NPAS3: variants seen among roughly 807,000 people sequenced by gnomAD.
NPAS3 encodes the protein neuronal PAS domain protein 3, also known as neuronal PAS domain-containing protein 3.
Under a neutral mutation model 73.1 loss-of-function variants are expected in NPAS3, and 14 were observed. The observed-to-expected ratio is 0.19, with a 90% CI of 0.13 to 0.30. NPAS3 has a LOEUF of 0.30. Among genes scored for constraint, NPAS3 ranks in the 10% least tolerant of loss-of-function variants. NPAS3 has a pLI of 1.00. For missense variants in NPAS3, 1,096 were observed against 1,250.0 expected (o/e 0.88, Z 1.86); for synonymous variants, 620 against 541.5 (o/e 1.14, Z -2.01).
At chr14:33,063,741 C>A (rs1479946869) in intron 2 of NPAS3, among the ~76,000 whole-genome samples, 1 of 152,196 alleles carries the variant, frequency 6.6e-6, no homozygotes, top group Admixed American at 6.5e-5. Flanking sequence ...CCGCATTAGA[C>A]CTCAGGCTAT....
At chr14:33,535,937 A>G (rs1406148016) in intron 4 of NPAS3, among the ~76,000 whole-genome samples, 3 of 152,158 alleles carry the variant, frequency 2.0e-5, no homozygotes, top group Non-Finnish European at 2.9e-5. Context: ...TGAGAGTGCT[A>G]TATATGTTTA....
At chr14:33,604,222 T>C (rs779038983) in intron 5 of NPAS3, among the ~76,000 whole-genome samples, 2 of 151,972 alleles carry the variant, frequency 1.3e-5, no homozygotes, top group Non-Finnish European at 1.5e-5. Flanking sequence ...AAAGCAGAGA[T>C]TGTCAGATTA....
At chr14:33,743,432 C>T (rs2061704390) in intron 7 of NPAS3, among the ~76,000 whole-genome samples, 1 of 152,132 alleles carries the variant, frequency 6.6e-6, no homozygotes, top group East Asian at 1.9e-4. Flanking sequence ...CAACAGTGGG[C>T]TTAAAATATT....
chr14:33,080,253 G>A (rs182979426), intron 2 of NPAS3, among the ~76,000 whole-genome samples: 2,414 of 151,994 alleles, frequency 0.016, 63 homozygotes, highest in African/African-American at 0.054. Flanking sequence ...GACTACAGGC[G>A]CCCGCCACCA....
chr14:33,472,393 G>A (rs2050826007), intron 4 of NPAS3, among the ~76,000 whole-genome samples: 1 of 152,174 alleles, frequency 6.6e-6, no homozygotes, highest in South Asian at 2.1e-4. Flanking sequence ...GAAACCATGT[G>A]GGATGGGTTT....
At chr14:33,763,872 A>G (rs1260338072) in intron 7 of NPAS3, among the ~76,000 whole-genome samples, 1 of 151,132 alleles carries the variant, frequency 6.6e-6, no homozygotes, top group Non-Finnish European at 1.5e-5. Flanking sequence ...AATATATATG[A>G]CCCACGTGTT....
chr14:32,989,214 C>T (rs2139455402), intron 1 of NPAS3, among the ~76,000 whole-genome samples: 1 of 152,204 alleles, frequency 6.6e-6, no homozygotes, highest in East Asian at 1.9e-4. Flanking sequence ...AAGAACTAAG[C>T]AGGTAGATAA....
intron 7 of NPAS3, among the ~76,000 whole-genome samples, chr14:33,769,419 A>G (rs1284878522): frequency 6.6e-6 from 1 of 152,238 alleles, no homozygotes; most frequent in Non-Finnish European, 1.5e-5. Flanking sequence ...TATTGTCGTC[A>G]TCGTCCTGTG....
chr14:33,234,908 T>C (rs2047978236), intron 3 of NPAS3, among the ~76,000 whole-genome samples: 1 of 152,128 alleles, frequency 6.6e-6, no homozygotes, highest in Admixed American at 6.6e-5. Context: ...CATGACGCTT[T>C]CTGACAACTT....
intron 2 of NPAS3, among the ~76,000 whole-genome samples, chr14:33,186,156 G>A (rs768537993): frequency 5.3e-5 from 8 of 152,076 alleles, no homozygotes; most frequent in Non-Finnish European, 7.4e-5. Context: ...TGCAAATTAA[G>A]CCTTTAAAAA....
chr14:33,112,440 A>C (rs554271083), intron 2 of NPAS3, among the ~76,000 whole-genome samples: 8 of 152,204 alleles, frequency 5.3e-5, no homozygotes, highest in African/African-American at 1.9e-4. Flanking sequence ...GCATTTTTTC[A>C]TGTGTCTGTT....
intron 3 of NPAS3, among the ~76,000 whole-genome samples, chr14:33,292,126 G>T (rs2042123964): frequency 6.6e-6 from 1 of 152,196 alleles, no homozygotes; most frequent in Non-Finnish European, 1.5e-5. Context: ...TACTTATTAT[G>T]CATATGTTCT....
chr14:33,272,845 TA>T (rs1387102041), intron 3 of NPAS3, among the ~76,000 whole-genome samples: 24 of 152,184 alleles, frequency 1.6e-4, no homozygotes, highest in African/African-American at 5.5e-4. Flanking sequence ...TACCAAAGGG[TA>T]GTGATACTGA....
At chr14:33,168,528 C>T (rs370713054) in intron 2 of NPAS3, among the ~76,000 whole-genome samples, 2 of 152,188 alleles carry the variant, frequency 1.3e-5, no homozygotes, top group East Asian at 1.9e-4. Context: ...GAGACATTTC[C>T]GAGTTGGAGC....
intron 6 of NPAS3, chr14:33,681,112 A>G (rs926391965): frequency 4.6e-5 from 7 of 153,370 alleles, no homozygotes; most frequent in Admixed American, 1.3e-4. Flanking sequence ...TTCCTCTGAC[A>G]TCATTAGATG....
intron 3 of NPAS3, among the ~76,000 whole-genome samples, chr14:33,355,654 A>T (rs2045306302): frequency 6.6e-6 from 1 of 152,092 alleles, no homozygotes; most frequent in African/African-American, 2.4e-5. Flanking sequence ...AAATTCCTTG[A>T]GGGTACTGGT....
chr14:33,160,226 A>T (rs1286272838), intron 2 of NPAS3, among the ~76,000 whole-genome samples: 1 of 152,150 alleles, frequency 6.6e-6, no homozygotes, highest in Non-Finnish European at 1.5e-5. Flanking sequence ...TTCTTAAGTG[A>T]TGCCATGATC....
At chr14:33,126,946 A>G (rs1009571517) in intron 2 of NPAS3, among the ~76,000 whole-genome samples, 4 of 152,152 alleles carry the variant, frequency 2.6e-5, no homozygotes, top group Admixed American at 2.0e-4. Context: ...AATAAAATAT[A>G]TATCTCTCAC....
intron 7 of NPAS3, among the ~76,000 whole-genome samples, chr14:33,747,339 C>CA (rs1293932962): frequency 2.6e-5 from 4 of 152,058 alleles, no homozygotes; most frequent in Non-Finnish European, 4.4e-5. Context: ...ATCGCAAGAA[C>CA]AAAAAACCAA....
Sources: allele counts gnomAD v4.1 joint callset (sites outside exome capture counted in the v4.1 genomes callset), GRCh38; gene constraint gnomAD v4.1.1; transcripts MANE v1.5; gene names NCBI Gene and HGNC (gene_info 2026-07-23, HGNC 2026-07-21).